Variants in ADGRF5 observed in about 807,000 individuals in gnomAD.
The protein encoded by ADGRF5 is G-protein coupled receptor 116.
ADGRF5 carries 75 observed loss-of-function variants against 132.3 expected under a neutral mutation model. The ratio of observed to expected loss-of-function variants is 0.57; its 90% CI spans 0.47 to 0.69. The LOEUF (loss-of-function observed/expected upper bound fraction) is 0.69, where lower values mean the gene tolerates loss of function less well. Ranked by LOEUF, ADGRF5 falls within the 30% of genes least tolerant of loss-of-function variation. The pLI is 0.00. For synonymous variants in ADGRF5, 629 were observed against 597.6 expected, an observed-to-expected ratio of 1.05 and a Z score of -0.77; for missense variants, 1,516 against 1,630.6, an observed-to-expected ratio of 0.93 and a Z score of 1.21.
At chr6:46,881,996 A>G in intron 7 of ADGRF5, 53 bp downstream of exon 7, 3 of 1,257,180 alleles carry the variant, frequency 2.4e-6, no homozygotes, top group South Asian at 2.4e-5. Context: ...CTCCTTCACT[A>G]CCATATGGAT....
At chr6:46,937,970 C>T (rs1047983487) in intron 1 of ADGRF5, among the ~76,000 whole-genome samples, 1 of 152,020 alleles carries the variant, frequency 6.6e-6, no homozygotes, top group African/African-American at 2.4e-5. Flanking sequence ...TAATATTTAT[C>T]GACCCCACTT....
intron 10 of ADGRF5, among the ~76,000 whole-genome samples, chr6:46,874,365 C>A (rs1176333362): frequency 6.6e-6 from 1 of 152,124 alleles, no homozygotes; most frequent in African/African-American, 2.4e-5. Context: ...TCTTACTGAT[C>A]CTTAAAGACC....
At chr6:46,949,849 C>A (rs569001280) in intron 1 of ADGRF5, among the ~76,000 whole-genome samples, 1 of 152,164 alleles carries the variant, frequency 6.6e-6, no homozygotes, top group African/African-American at 2.4e-5. Flanking sequence ...AAAGAGTAAC[C>A]CAAGAAGAGT....
intron 1 of ADGRF5, among the ~76,000 whole-genome samples, chr6:46,942,895 C>T (rs764210990): frequency 8.5e-5 from 13 of 152,070 alleles, no homozygotes; most frequent in Admixed American, 1.3e-4. Flanking sequence ...CTCATGCATG[C>T]GTGTGGATTT....
chr6:46,951,912 C>A (rs562580969), intron 1 of ADGRF5, among the ~76,000 whole-genome samples: 1 of 152,292 alleles, frequency 6.6e-6, no homozygotes, highest in South Asian at 2.1e-4. Context: ...AAGATCTCTT[C>A]GAGCTGGCTT....
intron 1 of ADGRF5, among the ~76,000 whole-genome samples, chr6:46,920,605 G>C (rs149743770): frequency 6.6e-6 from 1 of 151,542 alleles, no homozygotes; most frequent in African/African-American, 2.4e-5. Context: ...GCTGACACCC[G>C]TAATTCCAGC....
Position 46,906,672 on chromosome 6 carries a change from T to C in ADGRF5, c.91A>G (p.Ile31Val), listed in dbSNP as rs367931757. ...AALNWNYEST[I>V]HPLSLHEHEP... is the part of the protein sequence containing the mutation. The stretch of plus-strand genomic sequence containing the variant: ...TGGATATAACTCACCAAAGGATGAA[T>C]AGTAGACTCGTAATTCCAGTTCAGT... The change falls in exon 2 of 21, where the codon ATT becomes GTT. Residue 31 changes from isoleucine (I) to valine (V), a missense_variant. By Grantham distance (29) the Ile-to-Val change is conservative. Around this residue, in one of 2 missense-constraint regions of ADGRF5, gnomAD observed 945 missense variants for 929.4 expected, o/e 1.02. Transcript: ENST00000283296. 3.3e-6 allele frequency: 5 copies of C among 1,528,334 alleles called. No homozygotes were observed. In the South Asian group the frequency reaches 4.5e-5, roughly 14 times the overall value. The allele number at this position is 1,528,334 out of a possible 1,614,324, so 94.7% of individuals were successfully genotyped here. A position where few individuals can be genotyped will look rare whatever the true frequency, so the allele number is the denominator to read the frequency against.
chr6:46,913,058 C>T (rs1285546248), intron 1 of ADGRF5, among the ~76,000 whole-genome samples: 6 of 152,178 alleles, frequency 3.9e-5, no homozygotes, highest in Admixed American at 6.5e-5. Flanking sequence ...TCTTTACCTA[C>T]GACTGTCTTG....
chr6:46,878,070 T>C (rs530477374), intron 10 of ADGRF5, 132 bp downstream of exon 10: 4 of 666,578 alleles, frequency 6.0e-6, no homozygotes, highest in South Asian at 5.5e-5. Context: ...TCAAACCTAA[T>C]GCCTTTTCAC....
At chr6:46,899,306 G>C (rs568586373) in intron 3 of ADGRF5, among the ~76,000 whole-genome samples, 1 of 152,178 alleles carries the variant, frequency 6.6e-6, no homozygotes, top group South Asian at 2.1e-4. Context: ...TTGGCTTTTA[G>C]TTCCAAGGCC....
intron 2 of ADGRF5, among the ~76,000 whole-genome samples, chr6:46,902,962 A>G (rs1774923793): frequency 6.6e-6 from 1 of 152,162 alleles, no homozygotes; most frequent in East Asian, 1.9e-4. Context: ...ACAGTTTCAG[A>G]TTTTTAGGAG....
chr6:46,903,092 T>C (rs1479236214), intron 2 of ADGRF5, among the ~76,000 whole-genome samples: 1 of 152,174 alleles, frequency 6.6e-6, no homozygotes, highest in Non-Finnish European at 1.5e-5. Flanking sequence ...CCTGCCGGCA[T>C]GGGGCTCACT....
At chr6:46,871,287 C>T (rs1369009099) in intron 11 of ADGRF5, among the ~76,000 whole-genome samples, 1 of 152,038 alleles carries the variant, frequency 6.6e-6, no homozygotes, top group African/African-American at 2.4e-5. Flanking sequence ...CCTAACTAAA[C>T]AAGTAATTGA....
At chr6:46,868,546 A>C (rs1490338203) in intron 12 of ADGRF5, among the ~76,000 whole-genome samples, 1 of 152,198 alleles carries the variant, frequency 6.6e-6, no homozygotes, top group African/African-American at 2.4e-5. Context: ...AGCTGTTCTA[A>C]AGCACAGTTG....
intron 3 of ADGRF5, among the ~76,000 whole-genome samples, chr6:46,890,672 G>A (rs1395177990): frequency 3.9e-5 from 6 of 151,910 alleles, no homozygotes; most frequent in African/African-American, 4.8e-5. Context: ...AGCTGATATC[G>A]TGCCACTGCA....
intron 11 of ADGRF5, chr6:46,870,925 T>TGC (rs397784477): frequency 2.8e-5 from 10 of 361,078 alleles, no homozygotes; most frequent in South Asian, 2.2e-4. Context: ...CAACTCTTTG[T>TGC]TAAAACTAGG....
chr6:46,896,728 T>C (rs1774222180), intron 3 of ADGRF5, among the ~76,000 whole-genome samples: 1 of 151,308 alleles, frequency 6.6e-6, no homozygotes, highest in Non-Finnish European at 1.5e-5. Context: ...TATATATATA[T>C]GTAATATAAT....
At chr6:46,878,450 AT>A (rs1212258838) in intron 9 of ADGRF5, 45 bp from the exon 10 acceptor site, 1 of 1,157,306 alleles carries the variant, frequency 8.6e-7, no homozygotes, top group African/African-American at 1.5e-5. Flanking sequence ...ACACATGTGT[AT>A]TTTCTTAGAG....
chr6:46,937,509 G>C (rs1389971902), intron 1 of ADGRF5, among the ~76,000 whole-genome samples: 1 of 152,044 alleles, frequency 6.6e-6, no homozygotes, highest in Non-Finnish European at 1.5e-5. Flanking sequence ...CAACACAGTG[G>C]TCCCTGATTA....
Sources: allele counts gnomAD v4.1 joint callset (sites outside exome capture counted in the v4.1 genomes callset), GRCh38; gene constraint gnomAD v4.1.1; regional missense constraint gnomAD v4.1.1; transcripts MANE v1.5; gene names NCBI Gene and HGNC (gene_info 2026-07-23, HGNC 2026-07-21).